TTC7B: variants seen among roughly 807,000 people sequenced by gnomAD.
The protein encoded by TTC7B is tetratricopeptide repeat domain 7B.
A neutral mutation model predicts 106.8 loss-of-function variants in TTC7B; 28 were observed. The ratio of observed to expected loss-of-function variants is 0.26; its 90% CI spans 0.19 to 0.36. The LOEUF is 0.36. TTC7B is among the 10% of genes least tolerant of loss of function. The pLI, the probability that TTC7B is intolerant of heterozygous loss-of-function variation, is 1.00. For missense variants in TTC7B, 862 were observed against 1,076.4 expected, an observed-to-expected ratio of 0.80 and a Z score of 2.79; for synonymous variants, 405 against 430.6, an observed-to-expected ratio of 0.94 and a Z score of 0.74.
At chr14:90,631,784 CT>C (rs1296859025) in intron 15 of TTC7B, among the ~76,000 whole-genome samples, 1 of 152,080 alleles carries the variant, frequency 6.6e-6, no homozygotes, top group South Asian at 2.1e-4. Context: ...ACACTTGTGA[CT>C]TTGTTTTTTT....
In TTC7B at chr14:90,780,598, G is replaced by A. The variant is rs565131235; in HGVS notation, c.445+140C>T. The stretch of plus-strand genomic sequence containing the variant: ...CTGGGCTTAGCATGACCCAGCATGT[G>A]CTGCAGGGCGGCCCCAGCAGCCTTG... On this transcript the variant is annotated intron_variant, in intron 3 of 19. Coordinates refer to ENST00000328459, the MANE Select transcript of TTC7B (RefSeq NM_001010854.2). The A allele has an allele frequency of 6.4e-5, 59 of 921,972 alleles. No homozygotes were observed. The Admixed American group carries it at 1.4e-3, about 22-fold the overall frequency. 57.1% of individuals were successfully genotyped at this position (921,972 alleles called of 1,614,324 possible).
intron 5 of TTC7B, among the ~76,000 whole-genome samples, chr14:90,725,261 A>G (rs950904347): frequency 3.3e-5 from 5 of 152,226 alleles, no homozygotes; most frequent in African/African-American, 1.2e-4. Flanking sequence ...AACTGCATCC[A>G]GCAAAGCATG....
intron 5 of TTC7B, among the ~76,000 whole-genome samples, chr14:90,700,829 C>T (rs984881769): frequency 2.0e-5 from 3 of 150,932 alleles, no homozygotes; most frequent in South Asian, 2.1e-4. Flanking sequence ...TGAGAATTTA[C>T]GTAACCCTTA....
chr14:90,565,195 T>C lies in TTC7B; in HGVS notation c.2310+12911A>G, dbSNP rs531533466. ...ATATTGTGGCTGGTCTGATCTTCTA[T>C]CCAGACCACTCAAACTTTCTCCCTA... On this transcript the variant is annotated intron_variant, in intron 19 of 19. Coordinates refer to ENST00000328459, the MANE Select transcript of TTC7B (RefSeq NM_001010854.2). Among the ~76,000 whole-genome samples, 9 of 152,306 alleles carry C rather than the reference T, an allele frequency of 5.9e-5. No homozygotes were observed. In the South Asian group the frequency reaches 1.9e-3, roughly 32 times the overall value.
chr14:90,593,686 C>A (rs1892073217), intron 17 of TTC7B, 60 bp from the exon 18 acceptor site: 1 of 1,475,518 alleles, frequency 6.8e-7, no homozygotes, highest in Admixed American at 2.1e-5. Flanking sequence ...AACCAATCAA[C>A]CCCTTCCCAC....
At chr14:90,722,062 G>C (rs1027265026) in intron 5 of TTC7B, among the ~76,000 whole-genome samples, 2 of 152,234 alleles carry the variant, frequency 1.3e-5, no homozygotes, top group African/African-American at 2.4e-5. Context: ...CATATGAAGA[G>C]CGTGGAACAG....
At chr14:90,806,708 A>G (rs1328104665) in intron 1 of TTC7B, among the ~76,000 whole-genome samples, 1 of 152,142 alleles carries the variant, frequency 6.6e-6, no homozygotes, top group Non-Finnish European at 1.5e-5. Context: ...GGAGTTCGAG[A>G]CCAGCCTGGG....
intron 17 of TTC7B, among the ~76,000 whole-genome samples, chr14:90,594,416 CG>C (rs1347655237): frequency 6.6e-6 from 1 of 152,102 alleles, no homozygotes; most frequent in African/African-American, 2.4e-5. Flanking sequence ...TTTCTTTTCA[CG>C]TTGACCTCTC....
At chr14:90,732,887 G>A (rs750218910) in intron 4 of TTC7B, among the ~76,000 whole-genome samples, 28 of 151,872 alleles carry the variant, frequency 1.8e-4, no homozygotes, top group Non-Finnish European at 2.8e-4. Flanking sequence ...TGCTTCCTCC[G>A]AAGGGCCTTT....
Position 90,536,850 on chromosome 14 carries a change from C to A in TTC7B, c.*4518G>T, listed in dbSNP as rs1009355494. ...ATGTTGCCTTCCATGACAGATGGAG[C>A]GATGCAGATGTGATTGAACGAAGGC... On this transcript the variant is annotated 3_prime_UTR_variant, in exon 20 of 20. Transcript: ENST00000328459. 5 of 152,318 alleles carry A rather than the reference C, an allele frequency of 3.3e-5. No homozygotes were observed. 9.4% of individuals were successfully genotyped at this position (152,318 alleles called of 1,614,324 possible).
chr14:90,702,227 C>T (rs190508172), intron 5 of TTC7B, among the ~76,000 whole-genome samples: 29 of 152,286 alleles, frequency 1.9e-4, no homozygotes, highest in Admixed American at 1.6e-3. Flanking sequence ...CTGTACCCAC[C>T]TCATTTAACC....
chr14:90,578,292 G>A lies in TTC7B; in HGVS notation c.2124C>T (p.Gly708=), dbSNP rs1396349606. Residue 708 remains glycine, a synonymous_variant, in exon 19 of 20, where the codon GGC becomes GGT. Transcript: ENST00000328459. This position sits in a 1 kb window ranked among gnomAD's most constrained non-coding sequence, Gnocchi z 4.7. ...CTGTGGCTTCTGCAGGCTTCCCGAT[G>A]CCGATATAGACTTCAGCTGTGAGGA... is the stretch of plus-strand genomic sequence containing the variant. ...IWLHAAEVYI[G]IGKPAEATAC... 1.2e-6 allele frequency: 2 copies of A among 1,614,014 alleles called. No individual in the cohort carries two copies. The highest frequency in any genetic ancestry group is 1.3e-5 in the African/African-American group (1 of 75,062).
intron 4 of TTC7B, among the ~76,000 whole-genome samples, chr14:90,733,295 G>A (rs775405293): frequency 4.6e-5 from 7 of 151,638 alleles, no homozygotes; most frequent in Non-Finnish European, 8.8e-5. Context: ...TGAGGTGCCC[G>A]AATCATGTGG....
intron 17 of TTC7B, among the ~76,000 whole-genome samples, chr14:90,607,200 G>A (rs1436641511): frequency 6.6e-6 from 1 of 152,166 alleles, no homozygotes; most frequent in East Asian, 1.9e-4. Flanking sequence ...TTAGTTCTGG[G>A]GGAAAACAAA....
chr14:90,776,059 A>G (rs1891017039), intron 3 of TTC7B, among the ~76,000 whole-genome samples: 1 of 152,052 alleles, frequency 6.6e-6, no homozygotes. Flanking sequence ...AGAAGGCCAC[A>G]GAAAATGCTG....
chr14:90,664,378 G>C (rs375249400), intron 9 of TTC7B, among the ~76,000 whole-genome samples: 1 of 152,022 alleles, frequency 6.6e-6, no homozygotes, highest in East Asian at 1.9e-4. Context: ...CAAGCGATTC[G>C]CCTGCCTCAG....
At chr14:90,730,319 G>C in intron 4 of TTC7B, 123 bp from the exon 5 acceptor site, 1 of 1,171,850 alleles carries the variant, frequency 8.5e-7, no homozygotes, top group Admixed American at 2.6e-5. Context: ...TATCAGTGCA[G>C]AGGCACAGGT....
chr14:90,668,679 T>C (rs978315122), intron 9 of TTC7B, among the ~76,000 whole-genome samples: 1 of 152,156 alleles, frequency 6.6e-6, no homozygotes, highest in African/African-American at 2.4e-5. Context: ...AGCGAGGTAA[T>C]GGAATCTGTT....
intron 1 of TTC7B, among the ~76,000 whole-genome samples, chr14:90,815,585 ACTT>A (rs2031124764): frequency 6.6e-6 from 1 of 151,888 alleles, no homozygotes; most frequent in African/African-American, 2.4e-5. Context: ...CCTTGATGCT[ACTT>A]CTCCGAACGC....
Sources: gnomAD v4.1 joint callset for allele counts (sites outside exome capture counted in the v4.1 genomes callset) on GRCh38, gnomAD v4.1.1 for gene constraint, Gnocchi (gnomAD v3.1) non-coding constraint, MANE v1.5 for transcripts, NCBI Gene and HGNC (gene_info 2026-07-23, HGNC 2026-07-21) for gene names.